BTBD9: variants seen among roughly 807,000 people sequenced by gnomAD.
The protein encoded by BTBD9 is BTB domain containing 9, also known as BTB/POZ domain-containing protein 9.
A neutral mutation model predicts 64.3 loss-of-function variants in BTBD9; 49 were observed. That is an observed-to-expected ratio of 0.76 (90% CI 0.61 to 0.97). BTBD9 has a LOEUF of 0.97. Ranked by LOEUF, BTBD9 falls within the 50% of genes least tolerant of loss-of-function variation. The pLI is 0.00. For synonymous variants in BTBD9, 260 were observed against 274.7 expected (o/e 0.95, Z 0.53); for missense variants, 598 against 762.1 (o/e 0.78, Z 2.53).
intron 6 of BTBD9, among the ~76,000 whole-genome samples, chr6:38,352,210 C>G (rs1017819066): frequency 1.6e-4 from 24 of 151,886 alleles, no homozygotes; most frequent in Non-Finnish European, 2.9e-5. Flanking sequence ...AACCCTGTTT[C>G]TACTAAAAAT....
intron 6 of BTBD9, among the ~76,000 whole-genome samples, chr6:38,460,090 C>A (rs755170961): frequency 4.6e-5 from 7 of 152,142 alleles, no homozygotes; most frequent in African/African-American, 1.2e-4. Context: ...ACAATTATTT[C>A]GGGGAGATAA....
chr6:38,190,697 T>C (rs1448787467), intron 10 of BTBD9, among the ~76,000 whole-genome samples: 3 of 152,066 alleles, frequency 2.0e-5, no homozygotes, highest in Non-Finnish European at 4.4e-5. Flanking sequence ...TTTGGGAAAC[T>C]CATCATCAAA....
chr6:38,355,009 A>C (rs1764663859), intron 6 of BTBD9, among the ~76,000 whole-genome samples: 1 of 152,140 alleles, frequency 6.6e-6, no homozygotes, highest in African/African-American at 2.4e-5. Flanking sequence ...TATCCCAGGG[A>C]CTGTCAAAGC....
intron 1 of BTBD9, among the ~76,000 whole-genome samples, chr6:38,638,692 G>C (rs997279015): frequency 2.6e-5 from 4 of 152,278 alleles, no homozygotes; most frequent in East Asian, 3.9e-4. Flanking sequence ...TAGAATTTTA[G>C]ACCTAAATGA....
At chr6:38,540,221 T>A (rs1360901984) in intron 6 of BTBD9, among the ~76,000 whole-genome samples, 1 of 152,158 alleles carries the variant, frequency 6.6e-6, no homozygotes, top group Non-Finnish European at 1.5e-5. Flanking sequence ...TCAAACAACT[T>A]TTTGGCCTGG....
chr6:38,294,684 C>T (rs776898671), intron 7 of BTBD9, among the ~76,000 whole-genome samples: 6 of 151,988 alleles, frequency 3.9e-5, no homozygotes, highest in South Asian at 2.1e-4. Flanking sequence ...GATAGCATTA[C>T]GAGAAATACC....
chr6:38,396,897 C>CTTTTT (rs146597621), intron 6 of BTBD9, among the ~76,000 whole-genome samples: 144 of 107,322 alleles, frequency 1.3e-3, no homozygotes, highest in East Asian at 3.9e-3. Flanking sequence ...TTTTCTTTTT[C>CTTTTT]TTTTTTTTTT....
chr6:38,414,673 G>A (rs1313943238), intron 6 of BTBD9, among the ~76,000 whole-genome samples: 1 of 152,050 alleles, frequency 6.6e-6, no homozygotes, highest in Non-Finnish European at 1.5e-5. Context: ...TGACTGCTAT[G>A]CACTCTTAAT....
chr6:38,616,627 TA>T (rs957161526), intron 1 of BTBD9, among the ~76,000 whole-genome samples: 1 of 151,984 alleles, frequency 6.6e-6, no homozygotes, highest in Non-Finnish European at 1.5e-5. Flanking sequence ...CAGTGCTCTG[TA>T]AAATGCACGA....
Position 38,278,890 on chromosome 6 carries a change from A to C in BTBD9, c.1454+9382T>G, listed in dbSNP as rs1405011689. On this transcript the variant is annotated intron_variant, in intron 8 of 10. Transcript: ENST00000481247. ...AAGAAGATCCTGACCATTAAGTCTT[A>C]AGGGCAGCAAGGAAAGAAAATCCAG... Among the ~76,000 whole-genome samples the C allele has an allele frequency of 3.3e-5, 5 of 152,226 alleles. No individual in the cohort carries two copies. The East Asian group carries it at 9.6e-4, about 29-fold the overall frequency.
intron 8 of BTBD9, among the ~76,000 whole-genome samples, chr6:38,284,204 G>A (rs539575351): frequency 1.1e-4 from 16 of 152,164 alleles, no homozygotes; most frequent in South Asian, 4.2e-4. Context: ...AAAAAAAAGC[G>A]GGCTTAAGGA....
intron 6 of BTBD9, among the ~76,000 whole-genome samples, chr6:38,486,015 T>C (rs1437092228): frequency 2.0e-5 from 3 of 152,346 alleles, no homozygotes; most frequent in Admixed American, 2.0e-4. Flanking sequence ...CTGCTGCTTC[T>C]TCTTGCATTT....
chr6:38,579,821 T>C (rs1415844113), intron 5 of BTBD9, among the ~76,000 whole-genome samples: 1 of 152,206 alleles, frequency 6.6e-6, no homozygotes, highest in Non-Finnish European at 1.5e-5. Flanking sequence ...AATTAGCTTT[T>C]TGTATATCTA....
intron 6 of BTBD9, among the ~76,000 whole-genome samples, chr6:38,383,053 T>C (rs184161394): frequency 1.3e-5 from 2 of 152,196 alleles, no homozygotes; most frequent in Admixed American, 1.3e-4. Context: ...TGATACAACC[T>C]GAAAACAAAA....
chr6:38,474,978 A>G (rs140625299), intron 6 of BTBD9, among the ~76,000 whole-genome samples: 1 of 152,220 alleles, frequency 6.6e-6, no homozygotes, highest in Non-Finnish European at 1.5e-5. Flanking sequence ...AACAGAAACT[A>G]TATGTGCTTC....
chr6:38,482,381 T>C (rs1771191385), intron 6 of BTBD9: 1 of 151,868 alleles, frequency 6.6e-6, no homozygotes, highest in Admixed American at 6.6e-5. Context: ...TTCCAGATGG[T>C]AGTGAGGTGT....
chr6:38,349,460 C>G (rs996893973), intron 6 of BTBD9, among the ~76,000 whole-genome samples: 2 of 152,044 alleles, frequency 1.3e-5, no homozygotes, highest in African/African-American at 2.4e-5. Context: ...ATCTGCAGTA[C>G]AGTATAATAT....
chr6:38,288,703 G>A (rs1761843216), intron 7 of BTBD9, among the ~76,000 whole-genome samples: 2 of 152,114 alleles, frequency 1.3e-5, no homozygotes, highest in Admixed American at 1.3e-4. Context: ...AGGCTGAGGT[G>A]GGCAGATCAC....
intron 6 of BTBD9, among the ~76,000 whole-genome samples, chr6:38,468,178 C>A (rs1213610991): frequency 6.6e-6 from 1 of 152,184 alleles, no homozygotes; most frequent in African/African-American, 2.4e-5. Flanking sequence ...CATGCCCAGT[C>A]CCCCAGCACA....
Sources: allele counts gnomAD v4.1 joint callset (sites outside exome capture counted in the v4.1 genomes callset), GRCh38; gene constraint gnomAD v4.1.1; transcripts MANE v1.5; gene names NCBI Gene and HGNC (gene_info 2026-07-23, HGNC 2026-07-21).